Variants in REXO1 observed in about 807,000 individuals in gnomAD.
REXO1 encodes REX1, RNA exonuclease 1 homolog.
REXO1 carries 42 observed loss-of-function variants against 102.6 expected under a neutral mutation model. The ratio of observed to expected loss-of-function variants is 0.41; its 90% CI spans 0.32 to 0.53. The LOEUF is 0.53. Ranked by LOEUF, REXO1 falls within the 20% of genes least tolerant of loss-of-function variation. REXO1 has a pLI of 0.27. For missense variants in REXO1, 1,819 were observed against 1,732.5 expected, an observed-to-expected ratio of 1.05 and a Z score of -0.89; for synonymous variants, 908 against 779.1, an observed-to-expected ratio of 1.17 and a Z score of -2.76.
intron 1 of REXO1, among the ~76,000 whole-genome samples, chr19:1,833,318 C>T (rs898890264): frequency 9.9e-5 from 15 of 152,214 alleles, no homozygotes; most frequent in Admixed American, 8.5e-4. Context: ...GTGTGGAGGG[C>T]CACGAGGTAC....
At chr19:1,819,913 C>T (rs181016325) in intron 7 of REXO1, 21 bp downstream of exon 7, 26 of 1,546,208 alleles carry the variant, frequency 1.7e-5, no homozygotes, top group East Asian at 2.3e-5. Flanking sequence ...GAGCCTCCCC[C>T]GCCCACCCGC....
intron 5 of REXO1, among the ~76,000 whole-genome samples, chr19:1,820,842 A>C (rs1021697168): frequency 2.6e-5 from 4 of 152,068 alleles, no homozygotes; most frequent in Admixed American, 2.6e-4. Flanking sequence ...AATAAAAAAC[A>C]AAATTATTAG....
rs184719099 is a variant in REXO1, at chr19:1,819,073, G to A, written c.2709C>T (p.Ala903=). 4.1e-4 allele frequency: 662 copies of A among 1,600,556 alleles called. No individual in the cohort carries two copies. The highest frequency in any genetic ancestry group is 4.7e-4 in the Non-Finnish European group (548 of 1,172,630). The change falls in exon 8 of 16, where the codon GCC becomes GCT. Residue 903 remains alanine (A), a synonymous_variant. Coordinates refer to ENST00000170168, the MANE Select transcript of REXO1 (RefSeq NM_020695.4). ...HEVVLGGRLA[A]KTSFSLSRPS... is the part of the protein sequence containing the mutation. ...GACGGCTGAGCGAGAAGCTGGTCTT[G>A]GCGGCCAACCTGCCCCCCAACACCA...
At chr19:1,818,303 G>A (rs1269682991) in intron 10 of REXO1, among the ~76,000 whole-genome samples, 179 bp downstream of exon 10, 2 of 152,222 alleles carry the variant, frequency 1.3e-5, no homozygotes, top group South Asian at 2.1e-4. Flanking sequence ...TAAAGAACAG[G>A]TGGAGAGAAA....
intron 5 of REXO1, among the ~76,000 whole-genome samples, chr19:1,821,075 T>C (rs1160235730): frequency 2.7e-5 from 4 of 150,602 alleles, no homozygotes; most frequent in Non-Finnish European, 5.9e-5. Context: ...CGGTCGGGCA[T>C]GGTGGCTCAC....
intron 1 of REXO1, among the ~76,000 whole-genome samples, chr19:1,847,675 T>G (rs1205069539): frequency 6.6e-6 from 1 of 152,222 alleles, no homozygotes; most frequent in Non-Finnish European, 1.5e-5. Context: ...CTGCCAGTCA[T>G]GCTGGACACA....
In REXO1 at chr19:1,816,326, A is replaced by G. The variant is rs1322128780; in HGVS notation, c.3476T>C (p.Val1159Ala). 6.9e-6 allele frequency: 11 copies of G among 1,590,236 alleles called. No homozygotes were observed. The highest frequency in any genetic ancestry group is 1.1e-5 in the South Asian group (1 of 88,518). Residue 1159 changes from valine to alanine, a missense_variant, in exon 15 of 16, where the codon GTG becomes GCG. Coordinates refer to ENST00000170168, the MANE Select transcript of REXO1 (RefSeq NM_020695.4). Reference protein sequence around the residue: ...LALKVIHSTVVDTSVLFPHRL... With the variant: ...LALKVIHSTVADTSVLFPHRL... ...GTGGGGGAAGAGCACAGACGTGTCC[A>G]CCACGGTGCTGTGGATGACCTGTGG... is the stretch of plus-strand genomic sequence containing the variant.
intron 1 of REXO1, among the ~76,000 whole-genome samples, chr19:1,842,612 G>A (rs2011338749): frequency 1.3e-5 from 2 of 152,378 alleles, no homozygotes; most frequent in Middle Eastern, 3.4e-3. Flanking sequence ...CCGGAAGTCA[G>A]GTGAGGACCT....
intron 7 of REXO1, 91 bp downstream of exon 7, chr19:1,819,843 T>G: frequency 7.5e-7 from 1 of 1,331,934 alleles, no homozygotes. Flanking sequence ...GTGGCTGAGC[T>G]CAGGGCTGTG....
At chr19:1,843,344 G>A (rs1286685473) in intron 1 of REXO1, among the ~76,000 whole-genome samples, 1 of 151,482 alleles carries the variant, frequency 6.6e-6, no homozygotes, top group East Asian at 1.9e-4. Flanking sequence ...CAGCTCCCCA[G>A]GGCCCAGAGC....
chr19:1,832,984 C>T (rs1376268671), intron 1 of REXO1, among the ~76,000 whole-genome samples: 1 of 151,076 alleles, frequency 6.6e-6, no homozygotes, highest in Non-Finnish European at 1.5e-5. Context: ...AATCCCAGCA[C>T]TTTGGAAGGC....
chr19:1,834,250 G>C (rs1164523501), intron 1 of REXO1, among the ~76,000 whole-genome samples: 1 of 152,158 alleles, frequency 6.6e-6, no homozygotes, highest in East Asian at 1.9e-4. Context: ...GGACATTGTG[G>C]ACTCTGAAAG....
rs551809507 is a variant in REXO1 at position 1,816,554 on chromosome 19, C to G, written c.3333G>C (p.Thr1111=). The change falls in exon 14 of 16, where the codon ACG becomes ACC. Residue 1111 remains threonine, a synonymous_variant. Coordinates refer to ENST00000170168, the MANE Select transcript of REXO1 (RefSeq NM_020695.4). ...VDYNTRFSGV[T]EADLADTSVT... ...CACTTGTGTCGGCAAGGTCAGCCTC[C>G]GTCACCCCCGAAAACCTGGGGGAAC... The G allele has an allele frequency of 2.5e-6, 4 of 1,609,432 alleles. No individual in the cohort carries two copies. The highest frequency in any genetic ancestry group is 2.2e-5 in the East Asian group (1 of 44,642).
chr19:1,816,252 A>G lies in REXO1; in HGVS notation c.3550T>C (p.Tyr1184His). 2 of 1,589,304 alleles carry G rather than the reference A, an allele frequency of 1.3e-6. No homozygotes were observed. The highest frequency in any genetic ancestry group is 1.7e-6 in the Non-Finnish European group (2 of 1,168,046). Residue 1184 changes from tyrosine to histidine, a missense_variant, in exon 15 of 16, where the codon TAC becomes CAC. Coordinates refer to ENST00000170168, the MANE Select transcript of REXO1 (RefSeq NM_020695.4). ...TTGTCCTGGATGATCTGTCTGAGGT[A>G]GTCGGCCATGAGGTTCCGCAGGGAC... Reference protein sequence around the residue: ...KRSLRNLMADYLRQIIQDNVD... With the variant: ...KRSLRNLMADHLRQIIQDNVD...
rs1292792561 is a variant in REXO1, at chr19:1,815,918, C to G, written c.*148G>C. 6.5e-7 allele frequency: 1 copy of G among 1,534,318 alleles called. No homozygotes were observed. Among genetic ancestry groups the G allele is most frequent in the Admixed American group, 2.0e-5 (1 of 50,974 alleles). ...GTGAGCGGGGGTGGGCTGGGCTGGG[C>G]GTTCTCTGGCCGCCAGCTCATCCCG... On this transcript the variant is annotated 3_prime_UTR_variant, in exon 16 of 16. Transcript: ENST00000170168. The surrounding 1 kb of genome is among the most constrained non-coding windows in gnomAD (Gnocchi z 4.0).
intron 1 of REXO1, among the ~76,000 whole-genome samples, chr19:1,839,238 G>A (rs1396201178): frequency 1.4e-5 from 2 of 147,640 alleles, no homozygotes; most frequent in African/African-American, 5.1e-5. Context: ...CAGGGCGACA[G>A]AGCGAGACTC....
In REXO1 at chr19:1,827,194, C is replaced by T. The variant is rs1333295252; in HGVS notation, c.1595G>A (p.Gly532Glu). The change falls in exon 2 of 16, where the codon GGG (glycine) becomes GAG (glutamate). Residue 532 changes from glycine to glutamate, a missense_variant. Physicochemically the swap from Gly to Glu is moderately conservative, Grantham distance 98. Coordinates refer to ENST00000170168, the MANE Select transcript of REXO1 (RefSeq NM_020695.4). Reference protein sequence around the residue: ...FGDESEDEAAGPGVPSVWPSA... With the variant: ...FGDESEDEAAEPGVPSVWPSA... ...GGGCCACACGCTCGGCACCCCTGGC[C>T]CTGCGGCCTCGTCCTCACTCTCGTC... The T allele has an allele frequency of 2.6e-6, 4 of 1,540,422 alleles. No homozygotes were observed. The highest frequency in any genetic ancestry group is 3.5e-6 in the Non-Finnish European group (4 of 1,146,680).
chr19:1,818,944 C>T (rs2069451365), intron 8 of REXO1, 74 bp downstream of exon 8: 2 of 1,571,038 alleles, frequency 1.3e-6, no homozygotes, highest in Admixed American at 1.8e-5. Flanking sequence ...CACGAAGCAC[C>T]GTGTGGCACA....
rs1171990230 is a variant in REXO1, at chr19:1,828,195, G to A, written c.594C>T (p.Ala198=). ...TCACAGCCTTGGGGACGTATTCCAG[G>A]GCACCGCCACCCCCTCCACCTCTGC... ...GQGRGGGGGG[A]LEYVPKAVSQ... is the part of the protein sequence containing the mutation. The change falls in exon 2 of 16, where the codon GCC becomes GCT. Residue 198 remains alanine (A), a synonymous_variant. Transcript: ENST00000170168. 3.7e-6 allele frequency: 6 copies of A among 1,606,052 alleles called. 1 individual carries two copies. The South Asian group carries it at 6.6e-5, about 18-fold the overall frequency.
Sources: allele counts gnomAD v4.1 joint callset (sites outside exome capture counted in the v4.1 genomes callset), GRCh38; gene constraint gnomAD v4.1.1; non-coding constraint Gnocchi (gnomAD v3.1); transcripts MANE v1.5; gene names NCBI Gene and HGNC (gene_info 2026-07-23, HGNC 2026-07-21).